Variants in MREG observed in about 807,000 individuals in gnomAD.
MREG encodes the protein melanoregulin.
In MREG, 31 loss-of-function variants were observed where a neutral mutation model predicts 28.5. The observed-to-expected ratio is 1.09, with a 90% CI of 0.82 to 1.47. The LOEUF (loss-of-function observed/expected upper bound fraction) is 1.47. MREG is among the 40% of genes most tolerant of loss of function. MREG has a pLI of 0.00. For synonymous variants in MREG, 106 were observed against 95.2 expected (o/e 1.11, Z -0.66); for missense variants, 256 against 257.4 (o/e 0.99, Z 0.04).
At chr2:215,958,202 C>T (rs1188020486) in intron 2 of MREG, among the ~76,000 whole-genome samples, 11 of 151,600 alleles carry the variant, frequency 7.3e-5, no homozygotes, top group Admixed American at 5.9e-4. Context: ...CACATGTATA[C>T]ATATGTAACA....
Position 215,945,689 on chromosome 2 carries a change from C to T in MREG, c.392G>A (p.Ser131Asn). 1 of 1,613,880 alleles carries T rather than the reference C, an allele frequency of 6.2e-7. No homozygotes were observed. Among genetic ancestry groups the T allele is most frequent in the Non-Finnish European group, 8.5e-7 (1 of 1,179,848 alleles). Residue 131 changes from serine to asparagine, a missense_variant, in exon 4 of 5, where the codon AGC becomes AAC. Transcript: ENST00000263268. ...ADSLLSVTKL[S>N]TISDSKNTRK... ...TGTGTTTTTAGAATCACTGATGGTG[C>T]TGAGTTTAGTCACTGACAACAAAGA...
intron 2 of MREG, among the ~76,000 whole-genome samples, chr2:215,975,016 A>ATG (rs1027462716): frequency 2.1e-5 from 3 of 144,298 alleles, no homozygotes; most frequent in Non-Finnish European, 4.6e-5. Context: ...AATTATATAT[A>ATG]TATATATATA....
chr2:215,953,369 C>A (rs796734036), intron 2 of MREG, among the ~76,000 whole-genome samples: 5 of 152,310 alleles, frequency 3.3e-5, no homozygotes, highest in African/African-American at 7.2e-5. Context: ...TGCATGGGAT[C>A]CACTTCCCAG....
At chr2:215,964,880 T>TAGATAGAC (rs1453700261) in intron 2 of MREG, among the ~76,000 whole-genome samples, 4 of 55,556 alleles carry the variant, frequency 7.2e-5, no homozygotes, top group Admixed American at 4.0e-4. Context: ...GATAGATAGA[T>TAGATAGAC]AGACAGACAG....
intron 1 of MREG, among the ~76,000 whole-genome samples, chr2:216,021,680 A>G (rs1694523994): frequency 6.6e-6 from 1 of 152,192 alleles, no homozygotes; most frequent in South Asian, 2.1e-4. Context: ...GGTCTTTGGC[A>G]TAACAGTGCT....
At chr2:216,015,089 T>G (rs1694413402), upstream of MREG, among the ~76,000 whole-genome samples, 1 of 115,002 alleles carries the variant, frequency 8.7e-6, no homozygotes, top group Non-Finnish European at 1.8e-5. Context: ...GAATAAGAAG[T>G]GCCAGGGAGA....
intron 2 of MREG, among the ~76,000 whole-genome samples, chr2:215,978,988 T>A (rs370933404): frequency 5.3e-5 from 8 of 152,346 alleles, no homozygotes; most frequent in African/African-American, 1.9e-4. Context: ...AACTGATGAA[T>A]GGACACATCG....
chr2:215,956,279 T>A (rs935388835), intron 2 of MREG, among the ~76,000 whole-genome samples: 49 of 152,320 alleles, frequency 3.2e-4, no homozygotes, highest in African/African-American at 1.1e-3. Context: ...ACTGAGTTAA[T>A]ATATGTAAAG....
At chr2:215,993,521 C>A (rs1693777230) in intron 2 of MREG, among the ~76,000 whole-genome samples, 2 of 152,150 alleles carry the variant, frequency 1.3e-5, no homozygotes, top group Admixed American at 1.3e-4. Flanking sequence ...GCAAAGACTT[C>A]ATGAATAAAA....
chr2:216,015,135 G>A (rs560017523), upstream of MREG, among the ~76,000 whole-genome samples: 1 of 148,704 alleles, frequency 6.7e-6, no homozygotes, highest in Non-Finnish European at 1.5e-5. Flanking sequence ...GTGTGCGCGC[G>A]TGCGTCTGTG....
At chr2:215,980,865 GAGGGCAGGGCAGGGC>G (rs1247891694) in intron 2 of MREG, among the ~76,000 whole-genome samples, 1 of 140,980 alleles carries the variant, frequency 7.1e-6, no homozygotes, top group South Asian at 2.5e-4. Flanking sequence ...GAGGGGAGGG[GAGGGCAGGGCAGGGC>G]AGGGCAGGAC....
At chr2:216,017,886 C>T (rs1239986194), upstream of MREG, among the ~76,000 whole-genome samples, 1 of 151,804 alleles carries the variant, frequency 6.6e-6, no homozygotes, top group Admixed American at 6.6e-5. Context: ...CACGGTGGCT[C>T]ATGCCTGTAA....
At chr2:216,027,249 T>C (rs17547773) in intron 1 of MREG, among the ~76,000 whole-genome samples, 27,947 of 152,204 alleles carry the variant, frequency 0.18, 3,036 homozygotes, top group Non-Finnish European at 0.25. Flanking sequence ...AACAATGGTG[T>C]GAATATACTT....
chr2:215,970,288 T>A (rs1383524240), intron 2 of MREG, among the ~76,000 whole-genome samples: 1 of 152,082 alleles, frequency 6.6e-6, no homozygotes, highest in Admixed American at 6.5e-5. Context: ...CTGGAGAACA[T>A]CCTTCCCTCA....
intron 2 of MREG, among the ~76,000 whole-genome samples, chr2:215,980,839 A>AGAGAG (rs1693406555): frequency 8.2e-6 from 1 of 122,060 alleles, no homozygotes; most frequent in Non-Finnish European, 1.6e-5. Flanking sequence ...GAAGAGAAGC[A>AGAGAG]GAGAGGAGGG....
chr2:215,971,227 A>T (rs1693086068), intron 2 of MREG, among the ~76,000 whole-genome samples: 1 of 152,224 alleles, frequency 6.6e-6, no homozygotes, highest in Non-Finnish European at 1.5e-5. Flanking sequence ...TGATACGGGC[A>T]GCAAACCACC....
chr2:215,972,260 C>T (rs1408874053), intron 2 of MREG, among the ~76,000 whole-genome samples: 4 of 152,156 alleles, frequency 2.6e-5, no homozygotes, highest in Non-Finnish European at 1.5e-5. Context: ...GGAACTCCAG[C>T]AAGAAAGCAC....
At chr2:216,021,916 A>G (rs1283122381) in intron 1 of MREG, among the ~76,000 whole-genome samples, 1 of 152,122 alleles carries the variant, frequency 6.6e-6, no homozygotes, top group Non-Finnish European at 1.5e-5. Context: ...ACTGAGCTCA[A>G]CCTCTTGTGG....
chr2:216,024,922 A>G (rs1694572426), intron 1 of MREG, among the ~76,000 whole-genome samples: 1 of 148,614 alleles, frequency 6.7e-6, no homozygotes, highest in African/African-American at 2.5e-5. Context: ...AAAGGAAAAA[A>G]AAAAGGAACG....
Sources: allele counts gnomAD v4.1 joint callset (sites outside exome capture counted in the v4.1 genomes callset), GRCh38; gene constraint gnomAD v4.1.1; transcripts MANE v1.5; gene names NCBI Gene and HGNC (gene_info 2026-07-23, HGNC 2026-07-21).